ALDH1L2: variants seen among roughly 807,000 people sequenced by gnomAD.
ALDH1L2 encodes the protein aldehyde dehydrogenase 1 family member L2.
Under a neutral mutation model 111.0 loss-of-function variants are expected in ALDH1L2, and 91 were observed. The ratio of observed to expected loss-of-function variants is 0.82; its 90% CI spans 0.69 to 0.98. ALDH1L2 has a LOEUF of 0.98. Ranked by LOEUF, ALDH1L2 falls within the 50% of genes least tolerant of loss-of-function variation. ALDH1L2 has a pLI of 0.00. For missense variants in ALDH1L2, 995 were observed against 1,126.8 expected, an observed-to-expected ratio of 0.88 and a Z score of 1.67; for synonymous variants, 374 against 392.6, an observed-to-expected ratio of 0.95 and a Z score of 0.56.
chr12:105,065,011 G>A (rs772159123), intron 6 of ALDH1L2, among the ~76,000 whole-genome samples: 22 of 152,054 alleles, frequency 1.4e-4, no homozygotes, highest in Non-Finnish European at 2.5e-4. Flanking sequence ...CCATGATAGC[G>A]TTTATCTTAC....
Position 105,081,370 on chromosome 12 carries a change from T to C in ALDH1L2, c.48+3019A>G, listed in dbSNP as rs1329887524. Among the ~76,000 whole-genome samples, 6 of 152,298 alleles carry C rather than the reference T, an allele frequency of 3.9e-5. No homozygotes were observed. In the East Asian group the frequency reaches 1.2e-3, roughly 29 times the overall value. On this transcript the variant is annotated intron_variant, in intron 1 of 22. Transcript: ENST00000258494. ...CACCAGAGCAGAGGTCGGGCAATGA[T>C]GAAACAAGAACCTGGTTCCTAGAAC...
At chr12:105,070,522 T>G (rs1408746094) in intron 3 of ALDH1L2, 48 bp downstream of exon 3, 18 of 1,464,084 alleles carry the variant, frequency 1.2e-5, no homozygotes, top group Non-Finnish European at 1.7e-5. Flanking sequence ...CTGGGCAACA[T>G]AGCAAGACCC....
intron 18 of ALDH1L2, among the ~76,000 whole-genome samples, chr12:105,036,541 T>C (rs1188003062): frequency 6.3e-5 from 3 of 47,504 alleles, no homozygotes; most frequent in Non-Finnish European, 1.0e-4. Context: ...TATATATATA[T>C]ATATATATAT....
chr12:105,063,872 T>A (rs914945242), intron 6 of ALDH1L2, among the ~76,000 whole-genome samples: 2 of 152,156 alleles, frequency 1.3e-5, no homozygotes, highest in East Asian at 1.9e-4. Flanking sequence ...CAGCTATCAT[T>A]TATGGAGCAC....
rs1875295256 is a variant in ALDH1L2 at position 105,038,278 on chromosome 12, A to AC, written c.2046-77_2046-76insG. Reference sequence around the variant, plus strand: ...CTCTCTCTCACACACACACACACACAAACACACACACACACACACACACAC... The same window carrying AC: ...CTCTCTCTCACACACACACACACACACAACACACACACACACACACACACAC... On this transcript the variant is annotated intron_variant, in intron 17 of 22. Coordinates refer to ENST00000258494, the MANE Select transcript of ALDH1L2 (RefSeq NM_001034173.4). 1,093 of 253,620 alleles carry AC rather than the reference A, an allele frequency of 4.3e-3. 7 individuals are homozygous for AC. The highest frequency in any genetic ancestry group is 0.035 in the African/African-American group (851 of 24,210). The allele number at this position is 253,620 out of a possible 1,614,324, so 15.7% of individuals were successfully genotyped here.
At chr12:105,045,001 A>G (rs1029714036) in intron 15 of ALDH1L2, among the ~76,000 whole-genome samples, 1 of 152,206 alleles carries the variant, frequency 6.6e-6, no homozygotes, top group Non-Finnish European at 1.5e-5. Flanking sequence ...TTTGAAGTAT[A>G]AAATATAGTA....
intron 21 of ALDH1L2, among the ~76,000 whole-genome samples, 176 bp from the exon 22 acceptor site, chr12:105,026,920 G>T (rs1160471551): frequency 1.2e-4 from 19 of 152,244 alleles, no homozygotes; most frequent in Admixed American, 1.2e-3. Flanking sequence ...CTAGGCTGCA[G>T]TGCAGTGGCA....
intron 1 of ALDH1L2, among the ~76,000 whole-genome samples, chr12:105,080,381 T>C (rs1878281861): frequency 6.6e-6 from 1 of 152,238 alleles, no homozygotes; most frequent in Non-Finnish European, 1.5e-5. Flanking sequence ...ATTGCTCATT[T>C]ATATTTCATT....
At chr12:105,028,322 A>G (rs1196879429) in intron 21 of ALDH1L2, among the ~76,000 whole-genome samples, 1 of 152,142 alleles carries the variant, frequency 6.6e-6, no homozygotes, top group Admixed American at 6.5e-5. Flanking sequence ...CATGTTGGCC[A>G]GGCTGGTCTT....
chr12:105,038,283 C>CACAA, intron 17 of ALDH1L2, 81 bp from the exon 18 acceptor site: 1 of 47,476 alleles, frequency 2.1e-5, no homozygotes, highest in South Asian at 3.2e-4. Context: ...CACACAAACA[C>CACAA]ACACACACAC....
At chr12:105,074,457 C>CAAAAAAAAAAAAAAAAAAAAAAAAA (rs1565974203) in intron 1 of ALDH1L2, among the ~76,000 whole-genome samples, 8 of 93,686 alleles carry the variant, frequency 8.5e-5, no homozygotes, top group African/African-American at 2.0e-4. Flanking sequence ...GACTCTGTCT[C>CAAAAAAAAAAAAAAAAAAAAAAAAA]CAAAAAAAAA....
chr12:105,075,607 G>A (rs932164793), intron 1 of ALDH1L2, among the ~76,000 whole-genome samples: 2 of 152,122 alleles, frequency 1.3e-5, no homozygotes, highest in Non-Finnish European at 2.9e-5. Context: ...CGCAAAAAAA[G>A]AAACCATGTC....
intron 1 of ALDH1L2, among the ~76,000 whole-genome samples, chr12:105,082,520 A>G (rs1685621309): frequency 1.3e-5 from 2 of 152,218 alleles, no homozygotes; most frequent in South Asian, 2.1e-4. Flanking sequence ...TGTTGTATGC[A>G]TCAGTAGTTC....
Position 105,065,306 on chromosome 12 carries a change from A to G in ALDH1L2, c.747T>C (p.His249=). ...AEVLHNWIRG[H]DKVPGAWTEI... Reference sequence around the variant, plus strand: ...CTGTCCAAGCTCCAGGGACTTTATCATGACCTCGAATCCAGTTATGTAAAA... The same window carrying G: ...CTGTCCAAGCTCCAGGGACTTTATCGTGACCTCGAATCCAGTTATGTAAAA... Residue 249 remains histidine, a synonymous_variant, in exon 6 of 23, where the codon CAT becomes CAC. Coordinates refer to ENST00000258494, the MANE Select transcript of ALDH1L2 (RefSeq NM_001034173.4). The G allele has an allele frequency of 1.9e-6, 3 of 1,609,970 alleles. No individual in the cohort carries two copies. Among genetic ancestry groups the G allele is most frequent in the Non-Finnish European group, 2.5e-6 (3 of 1,177,098 alleles).
At chr12:105,026,261 A>G (rs982422668) in intron 22 of ALDH1L2, among the ~76,000 whole-genome samples, 3 of 152,190 alleles carry the variant, frequency 2.0e-5, no homozygotes, top group Admixed American at 1.3e-4. Context: ...TTAAACACCA[A>G]ACATATTTCA....
At chr12:105,080,357 T>C (rs1386452942) in intron 1 of ALDH1L2, among the ~76,000 whole-genome samples, 1 of 152,210 alleles carries the variant, frequency 6.6e-6, no homozygotes, top group Non-Finnish European at 1.5e-5. Context: ...TGGTTGAGTG[T>C]ATTTTCATAT....
At chr12:105,046,209 A>T (rs1875872495) in intron 15 of ALDH1L2, among the ~76,000 whole-genome samples, 2 of 52,792 alleles carry the variant, frequency 3.8e-5, no homozygotes, top group Admixed American at 2.7e-4. Context: ...ATATATATAT[A>T]TATATATATA....
intron 10 of ALDH1L2, among the ~76,000 whole-genome samples, chr12:105,056,946 T>A (rs1876665362): frequency 6.6e-6 from 1 of 150,880 alleles, no homozygotes; most frequent in Non-Finnish European, 1.5e-5. Context: ...ACCTGTTGTG[T>A]GTCAAAGGAC....
intron 22 of ALDH1L2, among the ~76,000 whole-genome samples, chr12:105,025,869 T>G (rs1874382721): frequency 1.3e-5 from 2 of 152,190 alleles, no homozygotes; most frequent in Admixed American, 6.5e-5. Context: ...AGCCCCATTG[T>G]CCTCTTCTGT....
Sources: allele counts gnomAD v4.1 joint callset (sites outside exome capture counted in the v4.1 genomes callset), GRCh38; gene constraint gnomAD v4.1.1; transcripts MANE v1.5; gene names NCBI Gene and HGNC (gene_info 2026-07-23, HGNC 2026-07-21).